Variants in IFT80 observed in about 807,000 individuals in gnomAD.
IFT80 encodes the protein intraflagellar transport protein 80 homolog.
IFT80 carries 79 observed loss-of-function variants against 107.9 expected under a neutral mutation model. That is an observed-to-expected ratio of 0.73 (90% CI 0.61 to 0.88). The LOEUF is 0.88. Among genes scored for constraint, IFT80 ranks in the 40% least tolerant of loss-of-function variants. IFT80 has a pLI of 0.00. For missense variants in IFT80, 797 were observed against 914.2 expected (o/e 0.87, Z 1.65); for synonymous variants, 299 against 300.9 (o/e 0.99, Z 0.07).
rs74576344 is a variant in IFT80 at position 160,307,359 on chromosome 3, T to C, written c.1076+304A>G. The stretch of plus-strand genomic sequence containing the variant: ...AGATGCGGTCTCACTGTGTTGCTTA[T>C]GCTGGTCTCAAGCCCCTGCTCTCAA... On this transcript the variant is annotated intron_variant, in intron 10 of 19. Transcript: ENST00000326448. 3.6e-3 allele frequency among the ~76,000 whole-genome samples: 541 copies of C among 152,298 alleles called. 2 individuals carry two copies. Among genetic ancestry groups the C allele is most frequent in the African/African-American group, 0.012 (508 of 41,554 alleles).
In IFT80 at chr3:160,358,502, T is replaced by C. The variant is rs561586124; in HGVS notation, c.550-924A>G. On this transcript the variant is annotated intron_variant, in intron 6 of 19. Coordinates refer to ENST00000326448, the MANE Select transcript of IFT80 (RefSeq NM_020800.3). ...AAAAGATGTTTTCCATAGATAAGTA[T>C]ATATTCTATACATTCATTCTTTGGT... 1.2e-4 allele frequency among the ~76,000 whole-genome samples: 19 copies of C among 152,330 alleles called. No individual in the cohort carries two copies. The South Asian group carries it at 3.5e-3, about 28-fold the overall frequency.
intron 8 of IFT80, among the ~76,000 whole-genome samples, chr3:160,346,327 T>G (rs912433249): frequency 6.6e-6 from 1 of 152,230 alleles, no homozygotes; most frequent in Non-Finnish European, 1.5e-5. Flanking sequence ...TTCCACGATG[T>G]ATACATATAT....
chr3:160,331,061 C>T (rs539739961), intron 8 of IFT80, among the ~76,000 whole-genome samples: 186 of 152,318 alleles, frequency 1.2e-3, no homozygotes, highest in Middle Eastern at 6.8e-3. Context: ...AGCCTACCAT[C>T]TTTTTCTAAT....
At chr3:160,395,150 C>T (rs1293771158) in intron 1 of IFT80, among the ~76,000 whole-genome samples, 1 of 152,126 alleles carries the variant, frequency 6.6e-6, no homozygotes, top group Admixed American at 6.5e-5. Context: ...TTCTATAAAA[C>T]CCTAATAAAT....
intron 8 of IFT80, among the ~76,000 whole-genome samples, chr3:160,335,772 C>T (rs574527074): frequency 2.6e-5 from 4 of 152,268 alleles, no homozygotes; most frequent in East Asian, 1.9e-4. Flanking sequence ...AATTTCAGAA[C>T]ATTTTCATCA....
intron 6 of IFT80, among the ~76,000 whole-genome samples, chr3:160,360,559 T>A (rs570801335): frequency 6.6e-6 from 1 of 152,130 alleles, no homozygotes; most frequent in African/African-American, 2.4e-5. Context: ...AATTGTCAGA[T>A]TCACCAAGGT....
intron 14 of IFT80, among the ~76,000 whole-genome samples, chr3:160,281,632 G>A (rs960245428): frequency 1.3e-5 from 2 of 152,194 alleles, no homozygotes; most frequent in Non-Finnish European, 2.9e-5. Flanking sequence ...AAGATCTCAA[G>A]AGCTAGGTGA....
At position 160,370,944 on chromosome 3, in the gene IFT80, T is replaced by C. The variant is rs539478538; in HGVS notation, c.440-4792A>G. Among the ~76,000 whole-genome samples, 4 of 152,314 alleles carry C rather than the reference T, an allele frequency of 2.6e-5. No individual in the cohort carries two copies. The South Asian group carries it at 8.3e-4, about 32-fold the overall frequency. ...TTACTGGCCACCTCTATTTAATCTC[T>C]ACCTCCTCTAGTTTAACTTTATTAT... On this transcript the variant is annotated intron_variant, in intron 5 of 19. Coordinates refer to ENST00000326448, the MANE Select transcript of IFT80 (RefSeq NM_020800.3).
intron 8 of IFT80, among the ~76,000 whole-genome samples, chr3:160,345,687 C>G (rs1250217209): frequency 1.9e-5 from 2 of 106,524 alleles, no homozygotes; most frequent in Non-Finnish European, 3.7e-5. Context: ...GAGCAAGACT[C>G]TGTCTCAAAA....
At chr3:160,395,964 G>A (rs1331988449) in intron 1 of IFT80, among the ~76,000 whole-genome samples, 2 of 151,596 alleles carry the variant, frequency 1.3e-5, no homozygotes, top group Non-Finnish European at 2.9e-5. Context: ...CCTTGGTCTG[G>A]TGCTAGCTTC....
intron 13 of IFT80, among the ~76,000 whole-genome samples, chr3:160,285,546 G>C (rs1715027121): frequency 6.6e-6 from 1 of 152,176 alleles, no homozygotes; most frequent in Non-Finnish European, 1.5e-5. Context: ...CTGAAAAACA[G>C]TGAAGAGTTT....
intron 6 of IFT80, among the ~76,000 whole-genome samples, chr3:160,364,939 C>A (rs2108375920): frequency 6.6e-6 from 1 of 151,094 alleles, no homozygotes; most frequent in African/African-American, 2.4e-5. Flanking sequence ...CTACATGGCA[C>A]ATGTATACCT....
intron 5 of IFT80, among the ~76,000 whole-genome samples, chr3:160,373,835 G>A (rs1711756275): frequency 6.6e-6 from 1 of 151,980 alleles, no homozygotes; most frequent in South Asian, 2.1e-4. Context: ...GGCAGTAATG[G>A]AAGTGATGGG....
intron 9 of IFT80, among the ~76,000 whole-genome samples, chr3:160,314,908 T>G (rs958743567): frequency 9.2e-5 from 14 of 152,052 alleles, no homozygotes; most frequent in Non-Finnish European, 1.8e-4. Context: ...ATTTATAGGT[T>G]TATTTTGCCA....
chr3:160,342,161 T>C (rs1445251050), intron 8 of IFT80, among the ~76,000 whole-genome samples: 1 of 151,912 alleles, frequency 6.6e-6, no homozygotes, highest in Non-Finnish European at 1.5e-5. Flanking sequence ...AATCGTGGAG[T>C]TGAAAAGAGA....
intron 9 of IFT80, among the ~76,000 whole-genome samples, chr3:160,309,700 C>T (rs1489590357): frequency 6.6e-6 from 1 of 151,152 alleles, no homozygotes; most frequent in Middle Eastern, 3.2e-3. Flanking sequence ...AAAAAAAATG[C>T]AAGATGCAGA....
chr3:160,274,174 G>A (rs190597131), intron 18 of IFT80, among the ~76,000 whole-genome samples: 1 of 152,234 alleles, frequency 6.6e-6, no homozygotes, highest in East Asian at 1.9e-4. Flanking sequence ...TTATAAGATA[G>A]GGAAGTAAAG....
intron 18 of IFT80, among the ~76,000 whole-genome samples, chr3:160,276,485 A>AT (rs1714275953): frequency 6.6e-6 from 1 of 152,210 alleles, no homozygotes; most frequent in African/African-American, 2.4e-5. Flanking sequence ...AACAAAGATC[A>AT]TGAAAGACAC....
intron 9 of IFT80, among the ~76,000 whole-genome samples, chr3:160,314,970 T>A (rs1304308872): frequency 6.7e-6 from 1 of 149,884 alleles, no homozygotes; most frequent in Non-Finnish European, 1.5e-5. Context: ...GGAACATCTG[T>A]GATCCATGCT....
Sources: gnomAD v4.1 joint callset for allele counts (sites outside exome capture counted in the v4.1 genomes callset) on GRCh38, gnomAD v4.1.1 for gene constraint, MANE v1.5 for transcripts, NCBI Gene and HGNC (gene_info 2026-07-23, HGNC 2026-07-21) for gene names.